The following TOP6BL variants were observed in gnomAD, a reference collection of about 807,000 sequenced individuals.
TOP6BL encodes TOP6B like initiator of meiotic double strand breaks.
chr11:66,834,074 G>A, the TOP6BL span, among the ~76,000 whole-genome samples: 1 of 152,156 alleles, frequency 6.6e-6, no homozygotes, highest in East Asian at 1.9e-4. Flanking sequence ...CTTACCAGTA[G>A]TCATAGGTCT....
chr11:66,777,073 A>G, the TOP6BL span, among the ~76,000 whole-genome samples: 18 of 149,460 alleles, frequency 1.2e-4, no homozygotes, highest in African/African-American at 3.7e-4. Flanking sequence ...CTATATATCT[A>G]TATCTATATA....
the TOP6BL span, among the ~76,000 whole-genome samples, chr11:66,807,340 G>T: frequency 6.6e-6 from 1 of 152,204 alleles, no homozygotes; most frequent in African/African-American, 2.4e-5. Context: ...GGGAGGCCAA[G>T]GTGGATGGAT....
the TOP6BL span, chr11:66,816,019 AT>A: frequency 6.5e-7 from 1 of 1,548,560 alleles, no homozygotes; most frequent in Non-Finnish European, 8.8e-7. Context: ...AGCTTTACTT[AT>A]CTTAGAAATT....
chr11:66,779,582 A>G, the TOP6BL span, among the ~76,000 whole-genome samples: 3 of 152,220 alleles, frequency 2.0e-5, no homozygotes, highest in Non-Finnish European at 4.4e-5. Context: ...AACTAGTTCA[A>G]CCATTGTGGA....
At chr11:66,832,251 C>T in the TOP6BL span, among the ~76,000 whole-genome samples, 16 of 151,796 alleles carry the variant, frequency 1.1e-4, no homozygotes, top group Non-Finnish European at 2.1e-4. Flanking sequence ...GCACCTGCCA[C>T]CATGCCCGAC....
the TOP6BL span, among the ~76,000 whole-genome samples, chr11:66,783,229 C>T: frequency 6.6e-6 from 1 of 152,076 alleles, no homozygotes; most frequent in Non-Finnish European, 1.5e-5. Context: ...AGCTGGGCAT[C>T]GTGTACACCT....
At chr11:66,832,714 A>G in the TOP6BL span, among the ~76,000 whole-genome samples, 1 of 152,214 alleles carries the variant, frequency 6.6e-6, no homozygotes, top group African/African-American at 2.4e-5. Flanking sequence ...TTTCCCTCGG[A>G]CTTGGAAAGC....
At chr11:66,800,482 T>A in the TOP6BL span, among the ~76,000 whole-genome samples, 1 of 152,232 alleles carries the variant, frequency 6.6e-6, no homozygotes, top group Non-Finnish European at 1.5e-5. Flanking sequence ...AACACCACAT[T>A]GTACCCTATG....
the TOP6BL span, chr11:66,796,214 C>A: frequency 8.4e-7 from 1 of 1,193,032 alleles, no homozygotes; most frequent in Non-Finnish European, 1.2e-6. Context: ...GAGGAAATAC[C>A]GTTTTAATTC....
the TOP6BL span, among the ~76,000 whole-genome samples, chr11:66,777,277 T>C: frequency 6.6e-6 from 1 of 151,992 alleles, no homozygotes. Flanking sequence ...TATTCTTTTT[T>C]TTCCCCCATT....
the TOP6BL span, chr11:66,800,807 A>T: frequency 2.3e-5 from 24 of 1,042,538 alleles, no homozygotes; most frequent in Non-Finnish European, 2.9e-5. Flanking sequence ...ACCCAAAGTC[A>T]CCTTGAAACT....
chr11:66,766,479 A>C, the TOP6BL span, among the ~76,000 whole-genome samples: 4 of 152,188 alleles, frequency 2.6e-5, no homozygotes, highest in Admixed American at 2.6e-4. Context: ...TTTATTCAGT[A>C]AACTTTTATT....
At chr11:66,843,317 C>T in the TOP6BL span, 31 of 1,535,160 alleles carry the variant, frequency 2.0e-5, no homozygotes, top group Non-Finnish European at 2.4e-5. Context: ...CTGCCGCGCG[C>T]TCACCAAGTC....
At chr11:66,830,096 A>G in the TOP6BL span, among the ~76,000 whole-genome samples, 1 of 152,230 alleles carries the variant, frequency 6.6e-6, no homozygotes, top group African/African-American at 2.4e-5. Context: ...CAACCACAGA[A>G]GAATATGCAT....
At chr11:66,757,220 A>G in the TOP6BL span, among the ~76,000 whole-genome samples, 5 of 152,104 alleles carry the variant, frequency 3.3e-5, no homozygotes, top group Middle Eastern at 3.4e-3. Context: ...GCGTATGTCT[A>G]TAATCCCAGC....
At chr11:66,816,232 G>T in the TOP6BL span, 7 of 1,588,730 alleles carry the variant, frequency 4.4e-6, 1 homozygote, top group South Asian at 4.6e-5. Flanking sequence ...GCCAGCTGGG[G>T]TGTGCCAAAT....
At chr11:66,761,787 A>G in the TOP6BL span, 2 of 802,222 alleles carry the variant, frequency 2.5e-6, no homozygotes, top group Non-Finnish European at 2.2e-6. Flanking sequence ...TCGCTGGTGG[A>G]CCAAAAGCTA....
At chr11:66,821,631 C>T in the TOP6BL span, 3 of 1,593,640 alleles carry the variant, frequency 1.9e-6, no homozygotes, top group Non-Finnish European at 2.6e-6. Flanking sequence ...TTTACCTTCT[C>T]CCTCCCCTTA....
the TOP6BL span, among the ~76,000 whole-genome samples, chr11:66,785,632 G>C: frequency 6.6e-6 from 1 of 152,158 alleles, no homozygotes; most frequent in East Asian, 1.9e-4. Context: ...CAAAGCTCTT[G>C]CATCTTAATA....
Sources: allele counts gnomAD v4.1 joint callset (sites outside exome capture counted in the v4.1 genomes callset), GRCh38; gene constraint gnomAD v4.1.1; transcripts MANE v1.5; gene names NCBI Gene and HGNC (gene_info 2026-07-23, HGNC 2026-07-21).